Variants in GEMIN5 observed in about 807,000 individuals in gnomAD.
GEMIN5 encodes the protein gem nuclear organelle associated protein 5.
GEMIN5 carries 124 observed loss-of-function variants against 176.9 expected under a neutral mutation model. The observed-to-expected ratio is 0.70, with a 90% CI of 0.61 to 0.81. GEMIN5 has a LOEUF of 0.81. Among genes scored for constraint, GEMIN5 ranks in the 40% least tolerant of loss-of-function variants. GEMIN5 has a pLI of 0.00. For missense variants in GEMIN5, 1,843 were observed against 1,814.6 expected, an observed-to-expected ratio of 1.02 and a Z score of -0.28; for synonymous variants, 673 against 665.2, an observed-to-expected ratio of 1.01 and a Z score of -0.18.
chr5:154,919,824 T>G (rs758117402), intron 11 of GEMIN5, 143 bp downstream of exon 11: 10 of 645,986 alleles, frequency 1.5e-5, no homozygotes, highest in Non-Finnish European at 2.3e-5. Flanking sequence ...CACAAATTCA[T>G]GCACAGCCTT....
chr5:154,893,251 T>G, intron 24 of GEMIN5, among the ~76,000 whole-genome samples: 1 of 95,568 alleles, frequency 1.0e-5, no homozygotes. Context: ...TGAAAGCCCG[T>G]CTCTAAAAAA....
chr5:154,917,716 T>C (rs1387559046), intron 12 of GEMIN5, among the ~76,000 whole-genome samples: 2 of 152,212 alleles, frequency 1.3e-5, no homozygotes, highest in East Asian at 3.8e-4. Context: ...AAATACAGTG[T>C]AGCCAAATAC....
Position 154,892,739 on chromosome 5 carries a change from A to C in GEMIN5, c.3598-190T>G, listed in dbSNP as rs1763262056. 7 of 578,320 alleles carry C rather than the reference A, an allele frequency of 1.2e-5. No individual in the cohort carries two copies. The South Asian group carries it at 1.3e-4, about 11-fold the overall frequency. 35.8% of individuals were successfully genotyped at this position (578,320 alleles called of 1,614,324 possible). A position where few individuals can be genotyped will look rare whatever the true frequency, so the allele number is the denominator to read the frequency against. On this transcript the variant is annotated intron_variant, in intron 24 of 27. Transcript: ENST00000285873. ...CTCTCATGTCTAGTTGCACAGCAGC[A>C]CACACACGTCCCGGTGTTAAAGTCT...
chr5:154,889,171 C>G, intron 27 of GEMIN5, 150 bp downstream of exon 27: 1 of 504,090 alleles, frequency 2.0e-6, no homozygotes, highest in Non-Finnish European at 3.7e-6. Flanking sequence ...CCACCACGCC[C>G]AGCCTGGATT....
At chr5:154,908,066 C>T (rs1010883968) in intron 15 of GEMIN5, among the ~76,000 whole-genome samples, 5 of 151,802 alleles carry the variant, frequency 3.3e-5, no homozygotes, top group East Asian at 3.9e-4. Context: ...GGACATGCTC[C>T]GACGTCACCA....
Position 154,887,619 on chromosome 5 carries a change from T to G in GEMIN5, c.*591A>C, listed in dbSNP as rs1763137299. On this transcript the variant is annotated 3_prime_UTR_variant, in exon 28 of 28. Transcript: ENST00000285873. The stretch of plus-strand genomic sequence containing the variant: ...TGATCTGTTCAAATAAGCAATTACA[T>G]GAAAGAATAAAACCAAATTTCCAAC... 1 of 152,232 alleles carries G rather than the reference T, an allele frequency of 6.6e-6. No individual in the cohort carries two copies. Among genetic ancestry groups the G allele is most frequent in the Middle Eastern group, 3.2e-3 (1 of 316 alleles). The allele number at this position is 152,232 out of a possible 1,614,324, so 9.4% of individuals were successfully genotyped here. A position where few individuals can be genotyped will look rare whatever the true frequency, so the allele number is the denominator to read the frequency against.
In GEMIN5 at chr5:154,925,916, C is replaced by G; in HGVS notation, c.1239G>C (p.Lys413Asn). Residue 413 changes from lysine to asparagine, a missense_variant, in exon 8 of 28, where the codon AAG becomes AAC. By Grantham distance (94) the Lys-to-Asn change is moderately conservative. Transcript: ENST00000285873. ...MIRVWNTLSIKNNYDVKNFWQ... is the reference protein window; with the variant it reads ...MIRVWNTLSINNNYDVKNFWQ... ...AAAAATTTTTCACATCATAGTTGTT[C>G]TTTATGGAGAGTGTATTCCATACAC... is the stretch of plus-strand genomic sequence containing the variant. 6.2e-7 allele frequency: 1 copy of G among 1,613,890 alleles called. No homozygotes were observed. The highest frequency in any genetic ancestry group is 1.3e-5 in the African/African-American group (1 of 75,038).
intron 13 of GEMIN5, among the ~76,000 whole-genome samples, chr5:154,913,628 G>C (rs905805288): frequency 2.0e-5 from 3 of 151,904 alleles, no homozygotes; most frequent in Non-Finnish European, 4.4e-5. Flanking sequence ...GTTCAAGACC[G>C]GCCTGTGGAA....
Position 154,891,393 on chromosome 5 carries a change from T to C in GEMIN5, c.4110A>G (p.Ser1370=), listed in dbSNP as rs1231644929. 1 of 1,614,164 alleles carries C rather than the reference T, an allele frequency of 6.2e-7. No individual in the cohort carries two copies. The highest frequency in any genetic ancestry group is 2.2e-5 in the East Asian group (1 of 44,888). The part of the protein sequence containing the change: ...FSEKHASLQN[S]QRTVAEVQET... ...CTTGGACTTCAGCAACAGTTCTCTG[T>C]GAGTTTTGGAGACTGGCATGCTTTT... Residue 1370 remains serine, a synonymous_variant, in exon 26 of 28, where the codon TCA becomes TCG. Transcript: ENST00000285873.
rs968701272 is a variant in GEMIN5, at chr5:154,937,996, G to A, written c.138C>T (p.Gly46=). 1.9e-6 allele frequency: 3 copies of A among 1,571,942 alleles called. No homozygotes were observed. The highest frequency in any genetic ancestry group is 2.6e-6 in the Non-Finnish European group (3 of 1,161,726). The stretch of plus-strand genomic sequence containing the variant: ...GAAACGGGGGTGTCCCTGGACTCTC[G>A]CCTGCGCCCGGGCCCACGCGGACAA... The part of the protein sequence containing the change: ...VFLVRVGPGA[G]ESPGTPPFRV... Residue 46 remains glycine, a synonymous_variant, in exon 1 of 28, where the codon GGC becomes GGT. Coordinates refer to ENST00000285873, the MANE Select transcript of GEMIN5 (RefSeq NM_015465.5).
At chr5:154,907,308 G>T (rs1415276228) in intron 16 of GEMIN5, among the ~76,000 whole-genome samples, 1 of 152,088 alleles carries the variant, frequency 6.6e-6, no homozygotes, top group Non-Finnish European at 1.5e-5. Context: ...GTACACAACT[G>T]ACCCAGCTTC....
In GEMIN5 at chr5:154,903,279, A is replaced by C. The variant is rs142987992; in HGVS notation, c.2633-104T>G. On this transcript the variant is annotated intron_variant, in intron 18 of 27. Transcript: ENST00000285873. ...TATGTTTGGAACACCCACTTCAGAC[A>C]CTGAGAGAATCAGAGCTCTAACAGA... 2,441 of 731,708 alleles carry C rather than the reference A, an allele frequency of 3.3e-3. 36 individuals carry two copies. The African/African-American group carries it at 0.034, about 10-fold the overall frequency. The allele number at this position is 731,708 out of a possible 1,614,324, so 45.3% of individuals were successfully genotyped here.
At position 154,892,487 on chromosome 5, in the gene GEMIN5, C is replaced by A; in HGVS notation, c.3660G>T (p.Trp1220Cys). 1 of 1,614,138 alleles carries A rather than the reference C, an allele frequency of 6.2e-7. No homozygotes were observed. The highest frequency in any genetic ancestry group is 8.5e-7 in the Non-Finnish European group (1 of 1,179,980). The change falls in exon 25 of 28, where the codon TGG becomes TGT. Residue 1220 changes from tryptophan (W) to cysteine (C), a missense_variant. By Grantham distance (215) the Trp-to-Cys change is radical (BLOSUM62 -2). Transcript: ENST00000285873. ...LAVLSQQMAS[W>C]DEAVQALLRA... ...GAAGGAGCGCCTGCACAGCCTCGTC[C>A]CAGGAGGCCATCTGTTGGCTCAGCA...
Position 154,932,092 on chromosome 5 carries a change from T to A in GEMIN5, c.661+7A>T. 1 of 1,607,502 alleles carries A rather than the reference T, an allele frequency of 6.2e-7. No homozygotes were observed. Among genetic ancestry groups the A allele is most frequent in the Non-Finnish European group, 8.5e-7 (1 of 1,176,068 alleles). On this transcript the variant is annotated splice_region_variant and intron_variant, in intron 4 of 27. Transcript: ENST00000285873. ...GTGGACTTAACTTTCCCTTAAACCA[T>A]CTCTACCTGAAGTTTCCTCTTGGTT...
rs374483313 is a variant in GEMIN5, at chr5:154,918,840, G to A, written c.1600-836C>T. Among the ~76,000 whole-genome samples the A allele has an allele frequency of 2.9e-4, 44 of 151,820 alleles. 1 individual carries two copies. In the South Asian group the frequency reaches 4.6e-3, roughly 16 times the overall value. On this transcript the variant is annotated intron_variant, in intron 11 of 27. Coordinates refer to ENST00000285873, the MANE Select transcript of GEMIN5 (RefSeq NM_015465.5). ...GTGGATCACTTGAGGCCAGGAGTCC[G>A]AGATCACAGCCTGGCCAACATGGTG...
chr5:154,910,884 G>C (rs985140671), intron 15 of GEMIN5, among the ~76,000 whole-genome samples: 3 of 152,060 alleles, frequency 2.0e-5, no homozygotes, highest in African/African-American at 7.2e-5. Context: ...ATTTTTAGTA[G>C]AGACAGGGTT....
intron 26 of GEMIN5, among the ~76,000 whole-genome samples, 196 bp from the exon 27 acceptor site, chr5:154,889,613 C>CT (rs1364085687): frequency 2.0e-5 from 3 of 152,208 alleles, no homozygotes; most frequent in African/African-American, 7.2e-5. Flanking sequence ...TCCAAAAACT[C>CT]TTGTCATTTT....
chr5:154,916,113 C>T (rs551192924), intron 13 of GEMIN5, among the ~76,000 whole-genome samples: 23 of 152,020 alleles, frequency 1.5e-4, no homozygotes, highest in African/African-American at 5.3e-4. Context: ...GTTTCAAACT[C>T]CTGGTCTCAA....
Position 154,924,496 on chromosome 5 carries a change from A to AAAAG in GEMIN5, c.1351_1352insCTTT (p.Val451AlafsTer6), listed in dbSNP as rs1561725579. The AAAAG allele has an allele frequency of 6.2e-7, 1 of 1,611,500 alleles. No homozygotes were observed. The highest frequency in any genetic ancestry group is 8.5e-7 in the Non-Finnish European group (1 of 1,177,688). On this transcript the variant is annotated frameshift_variant, in exon 9 of 28. Transcript: ENST00000285873. LOFTEE classifies it high-confidence loss of function. ...GTTGGAGTAGGTGTCATACAATCCC[A>AAAAG]CTTTTCCATCATCAGTTCCAAAAGC... is the stretch of plus-strand genomic sequence containing the variant.
Sources: gnomAD v4.1 joint callset for allele counts (sites outside exome capture counted in the v4.1 genomes callset) on GRCh38, gnomAD v4.1.1 for gene constraint, MANE v1.5 for transcripts, NCBI Gene and HGNC (gene_info 2026-07-23, HGNC 2026-07-21) for gene names.